The following PKD1L3 variants were observed in gnomAD, a reference collection of about 807,000 sequenced individuals.
PKD1L3 encodes the protein polycystin-1-like protein 3.
PKD1L3 carries 239 observed loss-of-function variants against 184.1 expected under a neutral mutation model. The observed-to-expected ratio is 1.30, with a 90% CI of 1.17 to 1.45. The LOEUF (loss-of-function observed/expected upper bound fraction) is 1.45, where lower values mean the gene tolerates loss of function less well. Ranked by LOEUF, PKD1L3 falls within the 40% of genes most tolerant of loss-of-function variation. The probability of loss-of-function intolerance (pLI) is 0.00; values close to 1 mark genes in which losing one functional copy is unlikely to be tolerated. For missense variants in PKD1L3, 2,660 were observed against 2,067.2 expected, an observed-to-expected ratio of 1.29 and a Z score of -5.56; for synonymous variants, 996 against 778.8, an observed-to-expected ratio of 1.28 and a Z score of -4.64.
At chr16:71,936,203 TC>T (rs2038170015) in intron 25 of PKD1L3, among the ~76,000 whole-genome samples, 1 of 151,550 alleles carries the variant, frequency 6.6e-6, no homozygotes, top group African/African-American at 2.4e-5. Flanking sequence ...TATTTTTTTT[TC>T]TTTTCTTTTT....
At position 71,952,902 on chromosome 16, in the gene PKD1L3, C is replaced by T. The variant is rs1164232212; in HGVS notation, c.3001G>A (p.Val1001Ile). 2 of 1,542,512 alleles carry T rather than the reference C, an allele frequency of 1.3e-6. No individual in the cohort carries two copies. The highest frequency in any genetic ancestry group is 1.4e-5 in the African/African-American group (1 of 72,256). The change falls in exon 18 of 30, where the codon GTA (valine) becomes ATA (isoleucine). Residue 1001 changes from valine (V) to isoleucine (I), a missense_variant. Val to Ile is a conservative substitution (Grantham distance 29, BLOSUM62 3). Transcript: ENST00000620267. ...ASVEPLSATM[V>I]VEELKETVRF... ...TTTGATACCAATCTTACCTCAACTA[C>T]CATTGTGGCAGAGAGAGGCTCAACA...
chr16:71,973,199 G>A (rs1480349965), intron 12 of PKD1L3, 125 bp downstream of exon 12: 3 of 1,186,142 alleles, frequency 2.5e-6, no homozygotes, highest in Admixed American at 4.9e-5. Flanking sequence ...TTTTGCCCAG[G>A]CAGAGTTATT....
rs1366647569 is a variant in PKD1L3, at chr16:71,933,938, G to T, written c.4801C>A (p.Leu1601Met). 6.4e-7 allele frequency: 1 copy of T among 1,551,458 alleles called. No homozygotes were observed. The highest frequency in any genetic ancestry group is 2.0e-5 in the Admixed American group (1 of 50,988). Residue 1601 changes from leucine to methionine, a missense_variant, in exon 27 of 30, where the codon CTG becomes ATG. Leu to Met is a conservative substitution (Grantham distance 15). Coordinates refer to ENST00000620267, the MANE Select transcript of PKD1L3 (RefSeq NM_181536.2). ...ACGGCAATGGCATAGCCTGTCAGCA[G>T]GATTAGGATGATCAGCAGAAAGCCC... is the stretch of plus-strand genomic sequence containing the variant. Reference protein sequence around the residue: ...VVGFLLIILILLTGYAIAFNL... With the variant: ...VVGFLLIILIMLTGYAIAFNL...
At chr16:71,949,715 T>C (rs1202222980) in intron 21 of PKD1L3, 68 bp downstream of exon 21, 7 of 1,377,384 alleles carry the variant, frequency 5.1e-6, no homozygotes, top group Non-Finnish European at 7.0e-6. Flanking sequence ...GCACCTTGGA[T>C]TGACACCCAG....
At chr16:71,933,838 G>T in intron 27 of PKD1L3, 77 bp downstream of exon 27, 1 of 1,477,634 alleles carries the variant, frequency 6.8e-7, no homozygotes, top group South Asian at 1.2e-5. Flanking sequence ...TCTGTGTTGT[G>T]ACCATTTCTA....
In PKD1L3 at chr16:71,963,246, C is replaced by T. The variant is rs955872469; in HGVS notation, c.2571G>A (p.Arg857=). Residue 857 remains arginine (R), a synonymous_variant, in exon 16 of 30, where the codon CGG becomes CGA. Coordinates refer to ENST00000620267, the MANE Select transcript of PKD1L3 (RefSeq NM_181536.2). ...AVDLGDCELD[R]VFIPVSKREL... is the part of the protein sequence containing the mutation. The stretch of plus-strand genomic sequence containing the variant: ...CTCTCTTTGAAACTGGGATGAAGAC[C>T]CGGTCAAGCTCACAGTCTCCGAGGT... 1.2e-5 allele frequency: 18 copies of T among 1,550,292 alleles called. No individual in the cohort carries two copies. The highest frequency in any genetic ancestry group is 1.7e-4 in the Middle Eastern group (1 of 6,014).
At chr16:71,944,004 A>G (rs758408098) in intron 23 of PKD1L3, 26 bp downstream of exon 23, 14 of 1,541,118 alleles carry the variant, frequency 9.1e-6, no homozygotes, top group African/African-American at 4.2e-5. Context: ...CTGTGTTATC[A>G]GTATGTTGCC....
At chr16:71,976,340 C>T (rs1199232076) in intron 11 of PKD1L3, among the ~76,000 whole-genome samples, 10 of 142,428 alleles carry the variant, frequency 7.0e-5, no homozygotes, top group Non-Finnish European at 1.4e-4. Flanking sequence ...ACGGCAACCT[C>T]TGCCTCCCAG....
chr16:71,985,250 C>T (rs2040312085), intron 5 of PKD1L3, among the ~76,000 whole-genome samples: 1 of 152,042 alleles, frequency 6.6e-6, no homozygotes, highest in Admixed American at 6.6e-5. Context: ...TCAGTTTCTC[C>T]CCCAAATAGA....
intron 19 of PKD1L3, 80 bp downstream of exon 19, chr16:71,951,484 G>C (rs2038832030): frequency 7.3e-7 from 1 of 1,374,930 alleles, no homozygotes; most frequent in African/African-American, 1.5e-5. Context: ...TGTCGGTTAT[G>C]AATGAGTAAG....
At chr16:71,969,567 C>T (rs1313696786) in intron 13 of PKD1L3, among the ~76,000 whole-genome samples, 1 of 150,884 alleles carries the variant, frequency 6.6e-6, no homozygotes, top group Non-Finnish European at 1.5e-5. Flanking sequence ...CTGCCCTGGC[C>T]TCCCCAAGTG....
At chr16:71,932,421 G>A (rs939132851) in intron 28 of PKD1L3, among the ~76,000 whole-genome samples, 2 of 152,176 alleles carry the variant, frequency 1.3e-5, no homozygotes, top group Admixed American at 6.5e-5. Flanking sequence ...TAACTCAACA[G>A]AAATAACGCA....
At chr16:71,950,402 A>C (rs906306762) in intron 19 of PKD1L3, 92 bp from the exon 20 acceptor site, 3 of 1,169,674 alleles carry the variant, frequency 2.6e-6, no homozygotes, top group Non-Finnish European at 3.6e-6. Flanking sequence ...ATGGATGATG[A>C]GGCTATATTT....
intron 2 of PKD1L3, among the ~76,000 whole-genome samples, chr16:71,994,871 C>A (rs1042111360): frequency 6.6e-6 from 1 of 151,958 alleles, no homozygotes; most frequent in Admixed American, 6.6e-5. Context: ...GCCTATAATC[C>A]CAGCTACTTG....
At chr16:71,994,484 A>G (rs1315692827) in intron 2 of PKD1L3, among the ~76,000 whole-genome samples, 3 of 152,026 alleles carry the variant, frequency 2.0e-5, no homozygotes, top group Non-Finnish European at 4.4e-5. Flanking sequence ...CTCCTACCCA[A>G]AGTGAATCCC....
rs1294734427 is a variant in PKD1L3 at position 71,998,349 on chromosome 16, T to G, written c.341A>C (p.Tyr114Ser). The change falls in exon 2 of 30, where the codon TAC becomes TCC. Residue 114 changes from tyrosine to serine, a missense_variant. Physicochemically the swap from Tyr to Ser is moderately radical, Grantham distance 144. Transcript: ENST00000620267. ...NGPPKPLSCTYLSRNFIRISS... is the reference protein window; with the variant it reads ...NGPPKPLSCTSLSRNFIRISS... The stretch of plus-strand genomic sequence containing the variant: ...GATCCGAATGAAGTTTCTGGACAGG[T>G]AGGTGCAGCTGAGGGGCTTTGGGGG... 1 of 1,551,784 alleles carries G rather than the reference T, an allele frequency of 6.4e-7. No homozygotes were observed. The highest frequency in any genetic ancestry group is 8.7e-7 in the Non-Finnish European group (1 of 1,147,034).
chr16:71,953,213 T>G, intron 17 of PKD1L3, 120 bp from the exon 18 acceptor site: 1 of 835,194 alleles, frequency 1.2e-6, no homozygotes, highest in Non-Finnish European at 1.8e-6. Flanking sequence ...AGAGATAAAA[T>G]TATCCTGGCA....
chr16:71,935,612 G>A, intron 25 of PKD1L3, 94 bp from the exon 26 acceptor site: 1 of 1,199,370 alleles, frequency 8.3e-7, no homozygotes, highest in Non-Finnish European at 1.2e-6. Flanking sequence ...ATGTCTGTGG[G>A]CAAAGCACAC....
intron 15 of PKD1L3, among the ~76,000 whole-genome samples, chr16:71,964,981 G>C (rs1286323564): frequency 1.3e-5 from 2 of 151,830 alleles, no homozygotes; most frequent in Non-Finnish European, 2.9e-5. Context: ...CAAGTAGCTG[G>C]GAGTACAGGC....
Sources: allele counts gnomAD v4.1 joint callset (sites outside exome capture counted in the v4.1 genomes callset), GRCh38; gene constraint gnomAD v4.1.1; transcripts MANE v1.5; gene names NCBI Gene and HGNC (gene_info 2026-07-23, HGNC 2026-07-21).